Variants in TENM3 observed in about 807,000 individuals in gnomAD.
The protein encoded by TENM3 is teneurin-3.
TENM3 carries 63 observed loss-of-function variants against 255.1 expected under a neutral mutation model. That is an observed-to-expected ratio of 0.25 (90% CI 0.20 to 0.30). The LOEUF is 0.30. Among genes scored for constraint, TENM3 ranks in the 10% least tolerant of loss-of-function variants. The probability of loss-of-function intolerance (pLI) is 1.00; values close to 1 mark genes in which losing one functional copy is unlikely to be tolerated. For synonymous variants in TENM3, 1,306 were observed against 1,322.3 expected, an observed-to-expected ratio of 0.99 and a Z score of 0.27; for missense variants, 2,929 against 3,461.1, an observed-to-expected ratio of 0.85 and a Z score of 3.86.
chr4:182,589,982 A>G (rs1254380512), intron 3 of TENM3, among the ~76,000 whole-genome samples: 1 of 152,132 alleles, frequency 6.6e-6, no homozygotes, highest in African/African-American at 2.4e-5. Flanking sequence ...TGTCTCAAAC[A>G]AAAACAAAAA....
chr4:182,086,165 A>G, the TENM3 span, among the ~76,000 whole-genome samples: 1 of 152,178 alleles, frequency 6.6e-6, no homozygotes, highest in African/African-American at 2.4e-5. Flanking sequence ...AGAATTGATA[A>G]CACGGTATAA....
intron 1 of TENM3, among the ~76,000 whole-genome samples, chr4:182,291,849 C>T (rs1238018956): frequency 2.6e-5 from 4 of 152,188 alleles, no homozygotes; most frequent in African/African-American, 9.6e-5. Context: ...TCTCCAGGCG[C>T]TCTAGGGTCT....
chr4:182,241,320 T>G (rs1273179242), upstream of TENM3, among the ~76,000 whole-genome samples: 1 of 152,168 alleles, frequency 6.6e-6, no homozygotes, highest in Non-Finnish European at 1.5e-5. Flanking sequence ...CATTCAATAA[T>G]GAGAGGTCAA....
At chr4:181,699,401 C>T in the TENM3 span, among the ~76,000 whole-genome samples, 8 of 122,098 alleles carry the variant, frequency 6.6e-5, no homozygotes, top group African/African-American at 2.5e-4. Flanking sequence ...AATGATAGCA[C>T]CACTGCACTC....
chr4:182,296,373 A>G (rs1167580898), intron 1 of TENM3, among the ~76,000 whole-genome samples: 3 of 152,364 alleles, frequency 2.0e-5, no homozygotes, highest in Admixed American at 1.3e-4. Flanking sequence ...ATAACGATAC[A>G]AAGTAAATCA....
the TENM3 span, among the ~76,000 whole-genome samples, chr4:181,954,854 A>G: frequency 6.6e-6 from 1 of 152,180 alleles, no homozygotes. Flanking sequence ...CAACTAGTAT[A>G]ATTCTGTATT....
chr4:182,187,914 T>G (rs1032763323), intron 1 of TENM3, among the ~76,000 whole-genome samples: 1 of 152,064 alleles, frequency 6.6e-6, no homozygotes, highest in Non-Finnish European at 1.5e-5. Context: ...TTAAAGAAAA[T>G]TAAACAGTAT....
In TENM3 at chr4:182,799,785, A is replaced by C; in HGVS notation, c.7534A>C (p.Asn2512His). The C allele has an allele frequency of 6.3e-7, 1 of 1,599,312 alleles. No homozygotes were observed. The highest frequency in any genetic ancestry group is 8.5e-7 in the Non-Finnish European group (1 of 1,173,552). The part of the protein sequence containing the change: ...LAVSQGRVQT[N>H]VLNIANEDCI... ...CGTCAGCCAGGGCCGCGTGCAGACC[A>C]ACGTGCTCAACATCGCCAACGAGGA... Residue 2512 changes from asparagine (N) to histidine (H), a missense_variant, in exon 28 of 28, where the codon AAC becomes CAC. Physicochemically the swap from Asn to His is moderately conservative, Grantham distance 68. Coordinates refer to ENST00000511685, the MANE Select transcript of TENM3 (RefSeq NM_001080477.4). This position sits in a 1 kb window ranked among gnomAD's most constrained non-coding sequence, Gnocchi z 4.2.
chr4:182,537,340 A>G (rs905617043), intron 3 of TENM3, among the ~76,000 whole-genome samples: 1 of 152,174 alleles, frequency 6.6e-6, no homozygotes, highest in Non-Finnish European at 1.5e-5. Flanking sequence ...GTTTATAAAT[A>G]TCATTGCCGT....
the TENM3 span, among the ~76,000 whole-genome samples, chr4:181,967,716 C>T: frequency 6.6e-6 from 1 of 152,108 alleles, no homozygotes; most frequent in South Asian, 2.1e-4. Flanking sequence ...ATAGCACAAA[C>T]TCAAACCCCT....
chr4:182,285,544 A>G (rs1760680447), intron 1 of TENM3, among the ~76,000 whole-genome samples: 1 of 152,212 alleles, frequency 6.6e-6, no homozygotes, highest in African/African-American at 2.4e-5. Context: ...CAACACATGA[A>G]GACAGATCTG....
chr4:182,203,315 C>T (rs1754328757), intron 1 of TENM3, among the ~76,000 whole-genome samples: 1 of 152,156 alleles, frequency 6.6e-6, no homozygotes, highest in Non-Finnish European at 1.5e-5. Flanking sequence ...CTCACACCCC[C>T]AACTTCAGGG....
At chr4:181,501,279 G>C in the TENM3 span, among the ~76,000 whole-genome samples, 2 of 152,086 alleles carry the variant, frequency 1.3e-5, no homozygotes, top group African/African-American at 2.4e-5. Context: ...AGATGTCCCA[G>C]CCTTTTGAAA....
the TENM3 span, among the ~76,000 whole-genome samples, chr4:181,631,033 A>G: frequency 6.6e-6 from 1 of 152,184 alleles, no homozygotes; most frequent in Non-Finnish European, 1.5e-5. Context: ...CGGTATCAAT[A>G]GGTTGAAATC....
intron 3 of TENM3, among the ~76,000 whole-genome samples, chr4:182,443,673 G>C (rs1246168089): frequency 2.6e-5 from 4 of 152,002 alleles, no homozygotes; most frequent in East Asian, 1.9e-4. Context: ...TAAGCCTTTC[G>C]TATACAGCAC....
the TENM3 span, among the ~76,000 whole-genome samples, chr4:181,788,482 A>C: frequency 2.0e-5 from 3 of 152,158 alleles, no homozygotes; most frequent in Non-Finnish European, 4.4e-5. Context: ...TGAATGGGAA[A>C]TTTGCCCGAG....
chr4:181,996,445 A>G, the TENM3 span, among the ~76,000 whole-genome samples: 3 of 152,174 alleles, frequency 2.0e-5, no homozygotes, highest in African/African-American at 7.2e-5. Context: ...CTGAGAGCCC[A>G]GGGAGCCTAG....
At chr4:181,897,347 C>T in the TENM3 span, among the ~76,000 whole-genome samples, 1 of 152,142 alleles carries the variant, frequency 6.6e-6, no homozygotes, top group Non-Finnish European at 1.5e-5. Flanking sequence ...GATATAAAGA[C>T]ATACTAAAGA....
chr4:181,581,632 T>TGG, the TENM3 span, among the ~76,000 whole-genome samples: 1 of 152,194 alleles, frequency 6.6e-6, no homozygotes. Flanking sequence ...AACAATTCAT[T>TGG]GGCTCCTCAG....
Sources: gnomAD v4.1 joint callset for allele counts (sites outside exome capture counted in the v4.1 genomes callset) on GRCh38, gnomAD v4.1.1 for gene constraint, Gnocchi (gnomAD v3.1) non-coding constraint, MANE v1.5 for transcripts, NCBI Gene and HGNC (gene_info 2026-07-23, HGNC 2026-07-21) for gene names.